Variants in THSD4 observed in about 807,000 individuals in gnomAD.
The protein encoded by THSD4 is thrombospondin type 1 domain containing 4.
A neutral mutation model predicts 119.0 loss-of-function variants in THSD4; 69 were observed. That is an observed-to-expected ratio of 0.58 (90% CI 0.48 to 0.71). The LOEUF is 0.71. Ranked by LOEUF, THSD4 falls within the 30% of genes least tolerant of loss-of-function variation. The pLI, the probability that THSD4 is intolerant of heterozygous loss-of-function variation, is 0.00. For missense variants in THSD4, 1,393 were observed against 1,391.1 expected, an observed-to-expected ratio of 1.00 and a Z score of -0.02; for synonymous variants, 524 against 540.4, an observed-to-expected ratio of 0.97 and a Z score of 0.42.
intron 7 of THSD4, among the ~76,000 whole-genome samples, chr15:71,514,717 G>A (rs190173679): frequency 4.6e-5 from 7 of 152,194 alleles, no homozygotes; most frequent in African/African-American, 1.2e-4. Context: ...TTATTATCCC[G>A]TGATAATCTC....
At chr15:71,369,276 T>C (rs2046010240) in intron 6 of THSD4, among the ~76,000 whole-genome samples, 3 of 152,292 alleles carry the variant, frequency 2.0e-5, no homozygotes, top group East Asian at 1.9e-4. Flanking sequence ...CCTTTATTTC[T>C]TTCTCCTGCC....
At chr15:71,750,127 GC>G (rs2053420278) in intron 14 of THSD4, among the ~76,000 whole-genome samples, 1 of 152,154 alleles carries the variant, frequency 6.6e-6, no homozygotes, top group Non-Finnish European at 1.5e-5. Flanking sequence ...GAGGAGCCCA[GC>G]CATGTTCTTG....
intron 17 of THSD4, 36 bp from the exon 18 acceptor site, chr15:71,777,196 C>T (rs752601936): frequency 3.1e-6 from 5 of 1,613,916 alleles, no homozygotes; most frequent in Admixed American, 3.3e-5. Flanking sequence ...GCCTCTTGTG[C>T]TCAGGGAGTC....
intron 4 of THSD4, among the ~76,000 whole-genome samples, chr15:71,236,936 A>G (rs1003610131): frequency 1.3e-5 from 2 of 152,196 alleles, no homozygotes; most frequent in Non-Finnish European, 2.9e-5. Context: ...CTTCCGTTGA[A>G]TCCTGAAGGG....
In THSD4 at chr15:71,642,038, G is replaced by A. The variant is rs117346385; in HGVS notation, c.1153-18492G>A. Among the ~76,000 whole-genome samples, 94 of 152,316 alleles carry A rather than the reference G, an allele frequency of 6.2e-4. No individual in the cohort carries two copies. In the East Asian group the frequency reaches 0.014, roughly 22 times the overall value. On this transcript the variant is annotated intron_variant, in intron 7 of 17. Coordinates refer to ENST00000261862, the MANE Select transcript of THSD4 (RefSeq NM_024817.3). Reference sequence around the variant, plus strand: ...TCCAAAGGTTTTTGGAGGGCAGAACGTGGAGCAATGGACCGTACACAGAGA... The same window carrying A: ...TCCAAAGGTTTTTGGAGGGCAGAACATGGAGCAATGGACCGTACACAGAGA...
At chr15:71,610,162 T>C (rs1351914300) in intron 7 of THSD4, among the ~76,000 whole-genome samples, 1 of 152,242 alleles carries the variant, frequency 6.6e-6, no homozygotes, top group Non-Finnish European at 1.5e-5. Flanking sequence ...ATCAGATTGA[T>C]AAGTAACTGA....
intron 7 of THSD4, among the ~76,000 whole-genome samples, chr15:71,461,846 G>C (rs1433561750): frequency 2.0e-5 from 3 of 149,164 alleles, no homozygotes; most frequent in African/African-American, 7.4e-5. Context: ...TAAACAAATA[G>C]ATCAAAACTG....
chr15:71,197,633 GACAGCAGAGTGAGC>G (rs1162116425), intron 3 of THSD4, among the ~76,000 whole-genome samples: 1 of 152,112 alleles, frequency 6.6e-6, no homozygotes, highest in Non-Finnish European at 1.5e-5. Flanking sequence ...CAAGGCTTAG[GACAGCAGAGTGAGC>G]TCCGCTGGCT....
At chr15:71,369,617 TC>T (rs1465181549) in intron 6 of THSD4, among the ~76,000 whole-genome samples, 1 of 152,212 alleles carries the variant, frequency 6.6e-6, no homozygotes, top group Non-Finnish European at 1.5e-5. Flanking sequence ...CAGCCTTGCA[TC>T]CCAGGGATGA....
At position 71,587,544 on chromosome 15, in the gene THSD4, A is replaced by T. The variant is rs1372947279; in HGVS notation, c.1153-72986A>T. ...AAGAACAAAAAACCAAACACCGCAT[A>T]TTCTCACTCATAGGTGGGAATTGAA... On this transcript the variant is annotated intron_variant, in intron 7 of 17. Transcript: ENST00000261862. Among the ~76,000 whole-genome samples the T allele has an allele frequency of 7.0e-5, 8 of 114,012 alleles. No individual in the cohort carries two copies. The East Asian group carries it at 1.9e-3, about 27-fold the overall frequency. 74.8% of individuals were successfully genotyped at this position (114,012 alleles called of 152,430 possible).
intron 7 of THSD4, among the ~76,000 whole-genome samples, chr15:71,542,465 G>A (rs1452374253): frequency 6.6e-6 from 1 of 152,050 alleles, no homozygotes; most frequent in Non-Finnish European, 1.5e-5. Context: ...CATCATCAGT[G>A]GTAAGTCATA....
chr15:71,756,508 TGTG>T (rs1181705117), intron 14 of THSD4, among the ~76,000 whole-genome samples: 2 of 152,102 alleles, frequency 1.3e-5, no homozygotes, highest in Non-Finnish European at 2.9e-5. Flanking sequence ...AAAGTTTAGG[TGTG>T]GTGGCACACA....
chr15:71,546,077 T>C (rs1170198208), intron 7 of THSD4, among the ~76,000 whole-genome samples: 1 of 152,208 alleles, frequency 6.6e-6, no homozygotes, highest in Non-Finnish European at 1.5e-5. Context: ...ATTTTGTGCC[T>C]AGGTGAGCTC....
chr15:71,599,869 G>GC (rs1421897487), intron 7 of THSD4, among the ~76,000 whole-genome samples: 4 of 152,130 alleles, frequency 2.6e-5, no homozygotes, highest in African/African-American at 9.7e-5. Flanking sequence ...TCCCCACAAT[G>GC]CCCCCCAGTA....
chr15:71,684,698 A>T (rs1029941336), intron 8 of THSD4, among the ~76,000 whole-genome samples: 9 of 151,980 alleles, frequency 5.9e-5, no homozygotes, highest in African/African-American at 2.2e-4. Context: ...TGGGATTTTT[A>T]AAATCTGTAT....
intron 6 of THSD4, among the ~76,000 whole-genome samples, chr15:71,356,077 A>C (rs1288987633): frequency 2.0e-5 from 3 of 152,070 alleles, no homozygotes; most frequent in Non-Finnish European, 4.4e-5. Flanking sequence ...CGTGTTGCCC[A>C]AACTGGTCTC....
chr15:71,602,567 AAAAAAAAAAAAAAT>A (rs1460478962), intron 7 of THSD4, among the ~76,000 whole-genome samples: 1 of 150,188 alleles, frequency 6.7e-6, no homozygotes, highest in African/African-American at 2.4e-5. Flanking sequence ...AAAAAAAAAA[AAAAAAAAAAAAAAT>A]GAAAAAGAAA....
At chr15:71,412,747 C>T (rs1030048024) in intron 7 of THSD4, among the ~76,000 whole-genome samples, 3 of 152,102 alleles carry the variant, frequency 2.0e-5, no homozygotes, top group Non-Finnish European at 4.4e-5. Context: ...CCCCCACCAA[C>T]AACATTTTGA....
At chr15:71,158,225 C>T (rs1207275493) in intron 3 of THSD4, among the ~76,000 whole-genome samples, 1 of 146,348 alleles carries the variant, frequency 6.8e-6, no homozygotes, top group East Asian at 2.1e-4. Flanking sequence ...GCGATCTCAG[C>T]TCACTGCAAC....
Sources: allele counts gnomAD v4.1 joint callset (sites outside exome capture counted in the v4.1 genomes callset), GRCh38; gene constraint gnomAD v4.1.1; transcripts MANE v1.5; gene names NCBI Gene and HGNC (gene_info 2026-07-23, HGNC 2026-07-21).